TENM3: variants seen among roughly 807,000 people sequenced by gnomAD.
TENM3 encodes the protein teneurin-3.
TENM3 carries 63 observed loss-of-function variants against 255.1 expected under a neutral mutation model. The observed-to-expected ratio is 0.25, with a 90% CI of 0.20 to 0.30. The LOEUF (loss-of-function observed/expected upper bound fraction) is 0.30. Ranked by LOEUF, TENM3 falls within the 10% of genes least tolerant of loss-of-function variation. The probability of loss-of-function intolerance (pLI) is 1.00; values close to 1 mark genes in which losing one functional copy is unlikely to be tolerated. For missense variants in TENM3, 2,929 were observed against 3,461.1 expected (o/e 0.85, Z 3.86); for synonymous variants, 1,306 against 1,322.3 (o/e 0.99, Z 0.27).
chr4:181,886,353 G>A, the TENM3 span, among the ~76,000 whole-genome samples: 10 of 152,142 alleles, frequency 6.6e-5, no homozygotes, highest in South Asian at 2.1e-4. Context: ...CACCATGCCC[G>A]GCCTCTACAA....
At chr4:181,891,143 G>A in the TENM3 span, among the ~76,000 whole-genome samples, 229 of 152,270 alleles carry the variant, frequency 1.5e-3, no homozygotes, top group African/African-American at 5.4e-3. Context: ...AGGACAGAGA[G>A]CAGATGAAAT....
intron 2 of TENM3, among the ~76,000 whole-genome samples, chr4:182,325,793 T>G (rs1183026585): frequency 6.6e-6 from 1 of 152,088 alleles, no homozygotes; most frequent in Non-Finnish European, 1.5e-5. Context: ...TGTGGAATAT[T>G]ATTCGAAGGA....
At chr4:182,154,807 C>T (rs912657609) in intron 1 of TENM3, among the ~76,000 whole-genome samples, 4 of 152,056 alleles carry the variant, frequency 2.6e-5, no homozygotes, top group Non-Finnish European at 4.4e-5. Context: ...TTTCTCTGAA[C>T]GTGTATGTAA....
intron 6 of TENM3, among the ~76,000 whole-genome samples, chr4:182,656,248 C>T (rs1753734705): frequency 1.3e-5 from 2 of 152,154 alleles, no homozygotes; most frequent in Non-Finnish European, 1.5e-5. Context: ...GTAGGAATTT[C>T]CCTGCATGGA....
the TENM3 span, among the ~76,000 whole-genome samples, chr4:181,698,854 A>G: frequency 0.019 from 2,922 of 152,340 alleles, 47 homozygotes; most frequent in South Asian, 0.029. Context: ...TGCTTTCAAA[A>G]AAGCAAGAAT....
chr4:181,603,571 C>T, the TENM3 span, among the ~76,000 whole-genome samples: 1 of 152,042 alleles, frequency 6.6e-6, no homozygotes, highest in African/African-American at 2.4e-5. Flanking sequence ...GAAAATTAGT[C>T]CCTCAATGTT....
At chr4:182,184,913 T>C (rs555305055) in intron 1 of TENM3, among the ~76,000 whole-genome samples, 1 of 152,112 alleles carries the variant, frequency 6.6e-6, no homozygotes, top group East Asian at 1.9e-4. Flanking sequence ...TGACACTGCG[T>C]CTCTACTAGA....
the TENM3 span, among the ~76,000 whole-genome samples, chr4:181,700,215 A>C: frequency 8.0e-6 from 1 of 125,130 alleles, no homozygotes; most frequent in East Asian, 2.3e-4. Flanking sequence ...TTTGATTTTT[A>C]TTTTATTTCA....
intron 18 of TENM3, among the ~76,000 whole-genome samples, chr4:182,740,343 G>C (rs1342295641): frequency 6.6e-6 from 1 of 152,186 alleles, no homozygotes; most frequent in Non-Finnish European, 1.5e-5. Flanking sequence ...ACTCATCAGT[G>C]GTGTCTGAAG....
At chr4:182,730,003 A>G (rs966882464) in intron 14 of TENM3, among the ~76,000 whole-genome samples, 197 bp from the exon 15 acceptor site, 2 of 152,250 alleles carry the variant, frequency 1.3e-5, no homozygotes, top group African/African-American at 4.8e-5. Flanking sequence ...GGATAAACAC[A>G]AGCCCTTTAG....
chr4:182,451,581 T>C (rs899794001), intron 3 of TENM3, among the ~76,000 whole-genome samples: 8 of 152,178 alleles, frequency 5.3e-5, no homozygotes, highest in Non-Finnish European at 1.2e-4. Context: ...TGATAATTAA[T>C]GCTGTAAAAT....
At chr4:181,457,492 A>G in the TENM3 span, among the ~76,000 whole-genome samples, 6 of 151,886 alleles carry the variant, frequency 4.0e-5, no homozygotes, top group East Asian at 9.7e-4. Flanking sequence ...GGGAAGTTCA[A>G]GAGAATAGTG....
At chr4:182,603,765 T>TTATATATATATATATATATATA (rs760690038) in intron 4 of TENM3, among the ~76,000 whole-genome samples, 1 of 95,504 alleles carries the variant, frequency 1.0e-5, no homozygotes, top group African/African-American at 2.9e-5. Context: ...TGGCAATTAT[T>TTATATATATATATATATATATA]TATATATATA....
At chr4:181,815,733 G>C in the TENM3 span, among the ~76,000 whole-genome samples, 3 of 152,106 alleles carry the variant, frequency 2.0e-5, no homozygotes, top group Admixed American at 2.0e-4. Context: ...GCTTAGATGA[G>C]ATTTTCAGGA....
At chr4:181,546,755 A>G in the TENM3 span, among the ~76,000 whole-genome samples, 1 of 150,936 alleles carries the variant, frequency 6.6e-6, no homozygotes, top group African/African-American at 2.4e-5. Flanking sequence ...ATGGCACCTG[A>G]GTCATGTGTA....
the TENM3 span, among the ~76,000 whole-genome samples, chr4:181,681,345 G>T: frequency 1.3e-5 from 2 of 151,972 alleles, no homozygotes; most frequent in Non-Finnish European, 1.5e-5. Flanking sequence ...CCCTTGGAAA[G>T]AAACTGCTTT....
At chr4:181,716,442 A>T in the TENM3 span, among the ~76,000 whole-genome samples, 1 of 152,166 alleles carries the variant, frequency 6.6e-6, no homozygotes. Flanking sequence ...ACCTACCTCA[A>T]TTCCGATCAG....
At chr4:182,340,191 T>C (rs1205528008) in intron 2 of TENM3, among the ~76,000 whole-genome samples, 1 of 152,180 alleles carries the variant, frequency 6.6e-6, no homozygotes, top group Admixed American at 6.6e-5. Context: ...CTTGCAGATA[T>C]ACCTAGGGTT....
At chr4:182,276,257 T>C (rs1759993115) in intron 1 of TENM3, among the ~76,000 whole-genome samples, 1 of 152,226 alleles carries the variant, frequency 6.6e-6, no homozygotes, top group Admixed American at 6.5e-5. Flanking sequence ...TTTTGCCCTT[T>C]ACGGTCAAAC....
Sources: gnomAD v4.1 joint callset for allele counts (sites outside exome capture counted in the v4.1 genomes callset) on GRCh38, gnomAD v4.1.1 for gene constraint, MANE v1.5 for transcripts, NCBI Gene and HGNC (gene_info 2026-07-23, HGNC 2026-07-21) for gene names.